Variants in A1CF observed in about 807,000 individuals in gnomAD.
A1CF encodes APOBEC-1 stimulating protein.
In A1CF, 48 loss-of-function variants were observed where a neutral mutation model predicts 68.9. The ratio of observed to expected loss-of-function variants is 0.70; its 90% CI spans 0.55 to 0.89. The LOEUF is 0.89. Ranked by LOEUF, A1CF falls within the 40% of genes least tolerant of loss-of-function variation. The pLI is 0.00. For missense variants in A1CF, 653 were observed against 718.9 expected, an observed-to-expected ratio of 0.91 and a Z score of 1.05; for synonymous variants, 272 against 260.4, an observed-to-expected ratio of 1.04 and a Z score of -0.43.
intron 5 of A1CF, among the ~76,000 whole-genome samples, chr10:50,838,297 T>A (rs1277304803): frequency 6.6e-6 from 1 of 152,162 alleles, no homozygotes; most frequent in Non-Finnish European, 1.5e-5. Context: ...GACAGGTCCA[T>A]CTCAGTCTAG....
intron 12 of A1CF, among the ~76,000 whole-genome samples, chr10:50,807,085 C>G (rs573517276): frequency 6.6e-6 from 1 of 152,194 alleles, no homozygotes; most frequent in Admixed American, 6.5e-5. Context: ...GGACAATGTT[C>G]CCTAAAGTGG....
chr10:50,866,769 T>A (rs987934472), intron 1 of A1CF, among the ~76,000 whole-genome samples: 67 of 152,226 alleles, frequency 4.4e-4, no homozygotes, highest in African/African-American at 1.5e-3. Context: ...AGATTTGTTA[T>A]CTAGATTTGC....
At chr10:50,837,991 G>T (rs139839382) in intron 5 of A1CF, among the ~76,000 whole-genome samples, 2 of 152,298 alleles carry the variant, frequency 1.3e-5, no homozygotes, top group East Asian at 3.9e-4. Context: ...GAGTTGCGGA[G>T]AAATGGTTTT....
intron 3 of A1CF, among the ~76,000 whole-genome samples, chr10:50,845,155 C>G (rs567169507): frequency 6.6e-6 from 1 of 152,014 alleles, no homozygotes; most frequent in African/African-American, 2.4e-5. Context: ...TTTTTAAAAT[C>G]TAATTGAATA....
rs140361904 is a variant in A1CF, at chr10:50,812,964, A to C, written c.1323+893T>G. On this transcript the variant is annotated intron_variant, in intron 10 of 12. Coordinates refer to ENST00000373997, the MANE Select transcript of A1CF (RefSeq NM_014576.4). ...AAGCCAGAAATCCCATTAAAAAATTACCCAAGATGAGCTTTTAGAAAACCA... is the reference window on the plus strand; with the variant it reads ...AAGCCAGAAATCCCATTAAAAAATTCCCCAAGATGAGCTTTTAGAAAACCA... 5.4e-3 allele frequency among the ~76,000 whole-genome samples: 824 copies of C among 152,340 alleles called. 9 individuals carry two copies. The highest frequency in any genetic ancestry group is 0.019 in the African/African-American group (807 of 41,572).
intron 1 of A1CF, among the ~76,000 whole-genome samples, chr10:50,875,664 A>C (rs1841477236): frequency 6.6e-6 from 1 of 152,244 alleles, no homozygotes; most frequent in Admixed American, 6.5e-5. Context: ...ATGTATCCTT[A>C]CCTGTTGCCC....
chr10:50,880,529 A>C (rs1299147539), intron 1 of A1CF, among the ~76,000 whole-genome samples: 1 of 152,202 alleles, frequency 6.6e-6, no homozygotes, highest in Non-Finnish European at 1.5e-5. Flanking sequence ...TCGGAAAAGA[A>C]GGTTAGAAAG....
chr10:50,832,828 C>T (rs1193401937), intron 6 of A1CF, among the ~76,000 whole-genome samples: 1 of 151,450 alleles, frequency 6.6e-6, no homozygotes, highest in Non-Finnish European at 1.5e-5. Context: ...ATAGTTTTCT[C>T]AGAATATGCA....
chr10:50,826,165 G>A (rs1838921208), intron 7 of A1CF, among the ~76,000 whole-genome samples: 1 of 151,992 alleles, frequency 6.6e-6, no homozygotes, highest in African/African-American at 2.4e-5. Context: ...GTCTGAAGAT[G>A]GAGGAAACAA....
At chr10:50,876,484 C>T (rs750269134) in intron 1 of A1CF, among the ~76,000 whole-genome samples, 1 of 152,164 alleles carries the variant, frequency 6.6e-6, no homozygotes, top group Non-Finnish European at 1.5e-5. Context: ...ACAGCAGATG[C>T]AATGTGAGTG....
At chr10:50,831,262 A>G (rs1041848107) in intron 6 of A1CF, among the ~76,000 whole-genome samples, 27 of 152,340 alleles carry the variant, frequency 1.8e-4, no homozygotes, top group East Asian at 1.5e-3. Context: ...GATGAATGGG[A>G]TTGCATCAAA....
intron 6 of A1CF, 185 bp from the exon 7 acceptor site, chr10:50,828,480 T>C: frequency 4.7e-6 from 2 of 428,190 alleles, no homozygotes; most frequent in East Asian, 6.7e-5. Context: ...TAGAAGGGAG[T>C]TCTGTGTGAC....
intron 8 of A1CF, among the ~76,000 whole-genome samples, chr10:50,817,000 T>C (rs1295433418): frequency 6.6e-6 from 1 of 152,202 alleles, no homozygotes; most frequent in Non-Finnish European, 1.5e-5. Context: ...GAGAGTAGTA[T>C]TGAGGTTCTC....
intron 1 of A1CF, among the ~76,000 whole-genome samples, chr10:50,884,761 A>G (rs1841930229): frequency 6.6e-6 from 1 of 152,246 alleles, no homozygotes; most frequent in Non-Finnish European, 1.5e-5. Context: ...ATAGGTAATC[A>G]TGACAAAAAG....
Position 50,847,563 on chromosome 10 carries a change from T to C in A1CF, c.100-3441A>G, listed in dbSNP as rs191760044. Among the ~76,000 whole-genome samples the C allele has an allele frequency of 4.9e-4, 75 of 152,286 alleles. 1 individual carries two copies. Among genetic ancestry groups the C allele is most frequent in the African/African-American group, 1.6e-3 (67 of 41,570 alleles). Reference sequence around the variant, plus strand: ...TCATTCTAAGCAGTAAGTCTTAGCATGAAGATTGAATGAACTGAGTTAATT... The same window carrying C: ...TCATTCTAAGCAGTAAGTCTTAGCACGAAGATTGAATGAACTGAGTTAATT... On this transcript the variant is annotated intron_variant, in intron 3 of 12. Coordinates refer to ENST00000373997, the MANE Select transcript of A1CF (RefSeq NM_014576.4).
rs1412669255 is a variant in A1CF, at chr10:50,811,030, A to G, written c.1460+10T>C. On this transcript the variant is annotated intron_variant, in intron 11 of 12. Transcript: ENST00000373997. ...TCTAAAATGGTAAGGAATTTGGAGA[A>G]GTTACGCACATTGCAGGATTCTGGC... 1 of 1,606,412 alleles carries G rather than the reference A, an allele frequency of 6.2e-7. No homozygotes were observed. Among genetic ancestry groups the G allele is most frequent in the South Asian group, 1.1e-5 (1 of 89,644 alleles).
chr10:50,815,546 A>G (rs774937633), intron 9 of A1CF, among the ~76,000 whole-genome samples: 3 of 152,200 alleles, frequency 2.0e-5, no homozygotes, highest in African/African-American at 2.4e-5. Flanking sequence ...TTTGTGATTT[A>G]CATATTAAGA....
intron 1 of A1CF, among the ~76,000 whole-genome samples, chr10:50,884,320 C>T (rs1201666191): frequency 2.6e-5 from 4 of 152,076 alleles, no homozygotes; most frequent in African/African-American, 4.8e-5. Flanking sequence ...TTCTTTTTTC[C>T]CTTGAAATCG....
rs1025371815 is a variant in A1CF at position 50,802,605 on chromosome 10, A to G, written c.*4124T>C. On this transcript the variant is annotated 3_prime_UTR_variant, in exon 13 of 13. Transcript: ENST00000373997. Reference sequence around the variant, plus strand: ...TGGGAACTTTTATATGAATGCAAGAAGAGAATAATCATGACTTTATGTGAA... The same window carrying G: ...TGGGAACTTTTATATGAATGCAAGAGGAGAATAATCATGACTTTATGTGAA... The G allele has an allele frequency of 6.6e-6, 1 of 152,224 alleles. No homozygotes were observed. Among genetic ancestry groups the G allele is most frequent in the Non-Finnish European group, 1.5e-5 (1 of 68,030 alleles). The allele number at this position is 152,224 out of a possible 1,614,324, so 9.4% of individuals were successfully genotyped here.
Sources: gnomAD v4.1 joint callset for allele counts (sites outside exome capture counted in the v4.1 genomes callset) on GRCh38, gnomAD v4.1.1 for gene constraint, MANE v1.5 for transcripts, NCBI Gene and HGNC (gene_info 2026-07-23, HGNC 2026-07-21) for gene names.